ARHGAP17: variants seen among roughly 807,000 people sequenced by gnomAD.
ARHGAP17 encodes the protein rho GTPase-activating protein 17.
Under a neutral mutation model 99.5 loss-of-function variants are expected in ARHGAP17, and 57 were observed. The observed-to-expected ratio is 0.57, with a 90% confidence interval of 0.46 to 0.71. ARHGAP17 has a LOEUF of 0.71. Among genes scored for constraint, ARHGAP17 ranks in the 30% least tolerant of loss-of-function variants. The probability of loss-of-function intolerance (pLI) is 0.00; values close to 1 mark genes in which losing one functional copy is unlikely to be tolerated. For missense variants in ARHGAP17, 1,000 were observed against 1,122.4 expected (o/e 0.89, Z 1.56); for synonymous variants, 417 against 429.6 (o/e 0.97, Z 0.36).
chr16:24,987,155 A>G (rs1315982706), intron 1 of ARHGAP17, among the ~76,000 whole-genome samples: 2 of 152,236 alleles, frequency 1.3e-5, no homozygotes. Flanking sequence ...GTAATGACTC[A>G]GCTTGCCACT....
intron 1 of ARHGAP17, among the ~76,000 whole-genome samples, chr16:24,981,444 T>TG (rs2052671367): frequency 6.6e-6 from 1 of 151,972 alleles, no homozygotes; most frequent in Non-Finnish European, 1.5e-5. Context: ...ATTGAAAGGA[T>TG]GGGGGGAGCA....
Position 25,015,234 on chromosome 16 carries a change from G to A in ARHGAP17, c.28C>T (p.Gln10Ter). 2 of 1,363,272 alleles carry A rather than the reference G, an allele frequency of 1.5e-6. No individual in the cohort carries two copies. The highest frequency in any genetic ancestry group is 1.9e-6 in the Non-Finnish European group (2 of 1,047,124). 84.4% of individuals were successfully genotyped at this position (1,363,272 alleles called of 1,614,324 possible). MKKQFNRMK[Q>*]LANQTVGRAE... ...CTGCCCACGGTCTGGTTAGCCAGCT[G>A]CTTCATGCGGTTGAACTGCTTCTTC... is the stretch of plus-strand genomic sequence containing the variant. The change falls in exon 1 of 20, where the codon CAG (glutamine) becomes TAG (stop). Residue 10 changes from glutamine (Q) to a stop codon, truncating the protein, a stop_gained. Coordinates refer to ENST00000289968, the MANE Select transcript of ARHGAP17 (RefSeq NM_001006634.3). LOFTEE classifies it high-confidence loss of function.
At position 25,015,362 on chromosome 16, in the gene ARHGAP17, G is replaced by A. The variant is rs1005296512; in HGVS notation, c.-101C>T. On this transcript the variant is annotated 5_prime_UTR_variant, in exon 1 of 20. Coordinates refer to ENST00000289968, the MANE Select transcript of ARHGAP17 (RefSeq NM_001006634.3). Reference sequence around the variant, plus strand: ...TTCCCGGCCCAAACGGCGGCGCGGCGGTGGCTCCCCGGGCCGGCGGCCCCG... The same window carrying A: ...TTCCCGGCCCAAACGGCGGCGCGGCAGTGGCTCCCCGGGCCGGCGGCCCCG... The A allele has an allele frequency of 3.9e-5, 44 of 1,120,396 alleles. No individual in the cohort carries two copies. Among genetic ancestry groups the A allele is most frequent in the Non-Finnish European group, 4.5e-5 (40 of 891,708 alleles). The allele number at this position is 1,120,396 out of a possible 1,614,324, so 69.4% of individuals were successfully genotyped here.
intron 3 of ARHGAP17, among the ~76,000 whole-genome samples, chr16:24,976,968 A>G (rs753210439): frequency 6.6e-6 from 1 of 152,228 alleles, no homozygotes; most frequent in Non-Finnish European, 1.5e-5. Flanking sequence ...TTCTCTTATC[A>G]ATGACACATG....
rs557450327 is a variant in ARHGAP17, at chr16:24,988,301, C to T, written c.54-9296G>A. The stretch of plus-strand genomic sequence containing the variant: ...ACCTGCCACAAAGCAGTTTAAAAGC[C>T]GTAAGAGAGTTTACAGAACTCTAAA... On this transcript the variant is annotated intron_variant, in intron 1 of 19. Coordinates refer to ENST00000289968, the MANE Select transcript of ARHGAP17 (RefSeq NM_001006634.3). Among the ~76,000 whole-genome samples the T allele has an allele frequency of 1.8e-4, 28 of 152,046 alleles. No individual in the cohort carries two copies. The South Asian group carries it at 5.0e-3, about 27-fold the overall frequency.
chr16:24,952,636 G>A (rs1287107532), intron 11 of ARHGAP17, among the ~76,000 whole-genome samples: 1 of 152,160 alleles, frequency 6.6e-6, no homozygotes, highest in Non-Finnish European at 1.5e-5. Context: ...AGGTAGAAAG[G>A]AATTTGGTGG....
chr16:24,997,252 T>C lies in ARHGAP17; in HGVS notation c.53+17957A>G, dbSNP rs946565946. Among the ~76,000 whole-genome samples, 4 of 152,032 alleles carry C rather than the reference T, an allele frequency of 2.6e-5. No individual in the cohort carries two copies. In the South Asian group the frequency reaches 8.3e-4, roughly 32 times the overall value. On this transcript the variant is annotated intron_variant, in intron 1 of 19. Coordinates refer to ENST00000289968, the MANE Select transcript of ARHGAP17 (RefSeq NM_001006634.3). Reference sequence around the variant, plus strand: ...CATTCTCTATCATTATCACCTGGACTGGTGCAAGGCGCCCAGTACACACCC... The same window carrying C: ...CATTCTCTATCATTATCACCTGGACCGGTGCAAGGCGCCCAGTACACACCC...
At position 24,968,723 on chromosome 16, in the gene ARHGAP17, G is replaced by C; in HGVS notation, c.322C>G (p.Leu108Val). Residue 108 changes from leucine (L) to valine (V), a missense_variant, in exon 5 of 20, where the codon CTC becomes GTC. Leu to Val is a conservative substitution (Grantham distance 32). Around this residue, in one of 2 missense-constraint regions of ARHGAP17, gnomAD observed 472 missense variants for 611.1 expected, o/e 0.77. Transcript: ENST00000289968. Reference sequence around the variant, plus strand: ...TCAACAAAGACTTCGTGCTGGGAGAGCTCGAGAGCCAGCTGATTCTCAGCA... The same window carrying C: ...TCAACAAAGACTTCGTGCTGGGAGACCTCGAGAGCCAGCTGATTCTCAGCA... ...GDAENQLALE[L>V]SQHEVFVEKE... 1 of 1,614,214 alleles carries C rather than the reference G, an allele frequency of 6.2e-7. No homozygotes were observed. The highest frequency in any genetic ancestry group is 8.5e-7 in the Non-Finnish European group (1 of 1,180,046).
intron 1 of ARHGAP17, among the ~76,000 whole-genome samples, chr16:24,985,703 TG>T (rs1320897617): frequency 6.6e-6 from 1 of 152,184 alleles, no homozygotes; most frequent in East Asian, 1.9e-4. Context: ...ATTCTGGAGA[TG>T]GGGATCTGGA....
At chr16:24,966,288 G>A (rs146754345) in intron 6 of ARHGAP17, among the ~76,000 whole-genome samples, 22 of 152,262 alleles carry the variant, frequency 1.4e-4, no homozygotes, top group African/African-American at 5.3e-4. Flanking sequence ...CTTGCGGCCA[G>A]GAGTTTGAGA....
Position 24,932,990 on chromosome 16 carries a change from G to A in ARHGAP17, c.1895-1586C>T, listed in dbSNP as rs1025584153. 2.6e-5 allele frequency among the ~76,000 whole-genome samples: 4 copies of A among 152,104 alleles called. No homozygotes were observed. The South Asian group carries it at 8.3e-4, about 32-fold the overall frequency. Reference sequence around the variant, plus strand: ...AATTTATATAAATTATCTCATTCAAGTTTCATAAGCTCATTGCAGGGCAAG... The same window carrying A: ...AATTTATATAAATTATCTCATTCAAATTTCATAAGCTCATTGCAGGGCAAG... On this transcript the variant is annotated intron_variant, in intron 18 of 19. Coordinates refer to ENST00000289968, the MANE Select transcript of ARHGAP17 (RefSeq NM_001006634.3).
rs569643525 is a variant in ARHGAP17, at chr16:24,940,779, G to A, written c.1491-1182C>T. On this transcript the variant is annotated intron_variant, in intron 16 of 19. Transcript: ENST00000289968. ...CTGGATGTGGCTGGAGAGGGTGGAA[G>A]GAAGGCTGACTTTTCACTTAAGGCG... Among the ~76,000 whole-genome samples, 13 of 152,290 alleles carry A rather than the reference G, an allele frequency of 8.5e-5. No individual in the cohort carries two copies. The South Asian group carries it at 2.5e-3, about 29-fold the overall frequency.
intron 1 of ARHGAP17, among the ~76,000 whole-genome samples, chr16:25,008,584 T>G (rs1266875096): frequency 2.0e-5 from 3 of 152,130 alleles, no homozygotes; most frequent in Admixed American, 6.6e-5. Flanking sequence ...CTTGAGAAAC[T>G]GAAATAGAAT....
chr16:24,931,312 G>A lies in ARHGAP17; in HGVS notation c.1987C>T (p.Pro663Ser), dbSNP rs1418186408. ...GGTGGCTTTGGTGACAGACTGGGTG[G>A]ATGCTGAGATGTTCCTGAAGAACTC... ...GQSSSGTSQHPPSLSPKPPTR... is the reference protein window; with the variant it reads ...GQSSSGTSQHSPSLSPKPPTR... The change falls in exon 19 of 20, where the codon CCA (proline) becomes TCA (serine). Residue 663 changes from proline (P) to serine (S), a missense_variant. Physicochemically the swap from Pro to Ser is moderately conservative, Grantham distance 74. This residue lies in a region of ARHGAP17 where 528 missense variants were observed against 511.4 expected (regional missense o/e 1.03). Transcript: ENST00000289968. 7 of 1,522,276 alleles carry A rather than the reference G, an allele frequency of 4.6e-6. No homozygotes were observed. Among genetic ancestry groups the A allele is most frequent in the African/African-American group, 1.4e-5 (1 of 71,728 alleles). 94.3% of individuals were successfully genotyped at this position (1,522,276 alleles called of 1,614,324 possible).
chr16:24,957,507 A>G (rs1412625181), intron 9 of ARHGAP17: 1 of 152,286 alleles, frequency 6.6e-6, no homozygotes, highest in Non-Finnish European at 1.5e-5. Context: ...ATTTTTAAAA[A>G]GAAATGGAGC....
Position 24,935,450 on chromosome 16 carries a change from G to C in ARHGAP17, c.1894+20C>G, listed in dbSNP as rs2051109969. On this transcript the variant is annotated intron_variant, in intron 18 of 19. Transcript: ENST00000289968. ...TCTGCACAGGCTTCCCTGAGGGCAA[G>C]GAGGACGGTGGCTGCTTACCTCGGC... 4 of 1,567,204 alleles carry C rather than the reference G, an allele frequency of 2.6e-6. No homozygotes were observed. The African/African-American group carries it at 5.4e-5, about 21-fold the overall frequency.
At chr16:24,941,771 C>T (rs35078827) in intron 16 of ARHGAP17, 7,942 of 595,880 alleles carry the variant, frequency 0.013, 78 homozygotes, top group Middle Eastern at 0.019. Context: ...CTGGAATACA[C>T]GTGGAAGAAA....
chr16:24,932,586 C>A (rs747633456), intron 18 of ARHGAP17, among the ~76,000 whole-genome samples: 118 of 152,224 alleles, frequency 7.8e-4, no homozygotes, highest in Non-Finnish European at 1.4e-3. Flanking sequence ...GTCTTAATAA[C>A]AGAATTTCTA....
chr16:24,968,858 C>G, intron 4 of ARHGAP17, 86 bp from the exon 5 acceptor site: 1 of 1,298,568 alleles, frequency 7.7e-7, no homozygotes, highest in South Asian at 1.2e-5. Flanking sequence ...GCTTGCCATA[C>G]AACAGGAACG....
Sources: gnomAD v4.1 joint callset for allele counts (sites outside exome capture counted in the v4.1 genomes callset) on GRCh38, gnomAD v4.1.1 for gene constraint, gnomAD v4.1.1 regional missense constraint, MANE v1.5 for transcripts, NCBI Gene and HGNC (gene_info 2026-07-23, HGNC 2026-07-21) for gene names.